Variants in COL18A1 observed in about 807,000 individuals in gnomAD.
COL18A1 encodes collagen type XVIII alpha 1 chain.
Under a neutral mutation model 168.0 loss-of-function variants are expected in COL18A1, and 133 were observed. That is an observed-to-expected ratio of 0.79 (90% CI 0.69 to 0.91). The LOEUF (loss-of-function observed/expected upper bound fraction) is 0.91, where lower values mean the gene tolerates loss of function less well. Among genes scored for constraint, COL18A1 ranks in the 40% least tolerant of loss-of-function variants. The probability of loss-of-function intolerance (pLI) is 0.00; values close to 1 mark genes in which losing one functional copy is unlikely to be tolerated. For synonymous variants in COL18A1, 949 were observed against 809.0 expected (o/e 1.17, Z -2.94); for missense variants, 2,126 against 1,925.4 (o/e 1.10, Z -1.95).
intron 37 of COL18A1, chr21:45,506,417 C>G (rs1602625244): frequency 3.1e-6 from 1 of 323,938 alleles, no homozygotes; most frequent in Admixed American, 4.3e-5. Flanking sequence ...TGAAATGCAT[C>G]CTCTCTGCTT....
chr21:45,406,266 C>G (rs1382294709), intron 2 of COL18A1, among the ~76,000 whole-genome samples: 5 of 152,170 alleles, frequency 3.3e-5, no homozygotes, highest in Non-Finnish European at 7.4e-5. Context: ...GGTGCCTTGT[C>G]GCGGGTGGAA....
chr21:45,512,290 G>A lies in COL18A1; in HGVS notation c.3912G>A (p.Gln1304=), dbSNP rs1328543313. Residue 1304 remains glutamine, a synonymous_variant, in exon 42 of 42, where the codon CAG becomes CAA. Transcript: ENST00000651438. ...CGGAGGCTCCCTCGGCCACGGGCCA[G>A]GCCTCCTCGCTGCTGGGGGGCAGGC... ...WRTEAPSATG[Q]ASSLLGGRLL... The A allele has an allele frequency of 1.2e-6, 2 of 1,612,200 alleles. No homozygotes were observed. The highest frequency in any genetic ancestry group is 1.1e-5 in the South Asian group (1 of 91,018).
At chr21:45,415,542 C>G (rs1033432055) in intron 2 of COL18A1, among the ~76,000 whole-genome samples, 10 of 152,158 alleles carry the variant, frequency 6.6e-5, no homozygotes, top group Non-Finnish European at 1.5e-4. Context: ...ATGGAGCCCC[C>G]CTTCCGGAAG....
chr21:45,460,386 A>G (rs1433362235), intron 2 of COL18A1, among the ~76,000 whole-genome samples: 1 of 152,116 alleles, frequency 6.6e-6, no homozygotes, highest in Non-Finnish European at 1.5e-5. Context: ...CTCATCTCAA[A>G]TGCACGAGTC....
chr21:45,496,698 G>A (rs2036555966), intron 30 of COL18A1, 130 bp downstream of exon 30: 1 of 727,742 alleles, frequency 1.4e-6, no homozygotes, highest in African/African-American at 1.7e-5. Context: ...CCAGTCTGGT[G>A]GGCAGTGGAT....
intron 28 of COL18A1, 86 bp from the exon 29 acceptor site, chr21:45,495,272 C>A: frequency 1.7e-6 from 2 of 1,161,964 alleles, no homozygotes; most frequent in Non-Finnish European, 2.5e-6. Flanking sequence ...CCGGGCCTGG[C>A]GTGGGGCTAA....
At chr21:45,469,818 G>A (rs2035349184) in intron 3 of COL18A1, among the ~76,000 whole-genome samples, 1 of 152,200 alleles carries the variant, frequency 6.6e-6, no homozygotes, top group South Asian at 2.1e-4. Flanking sequence ...GTGTCTGGGG[G>A]TTCTGAAAGC....
chr21:45,411,636 G>T (rs2033292078), intron 2 of COL18A1, among the ~76,000 whole-genome samples: 1 of 151,936 alleles, frequency 6.6e-6, no homozygotes. Flanking sequence ...GCTCTGGAGG[G>T]CCCGGCGCTG....
At position 45,504,984 on chromosome 21, in the gene COL18A1, T is replaced by C. The variant is rs1028823249; in HGVS notation, c.2869-150T>C. ...GAAGAAGGGGTGATGGTGTGGGGGT[T>C]TCTCAGGCTATGGCGTGGGCAGGGA... On this transcript the variant is annotated intron_variant, in intron 34 of 41. Coordinates refer to ENST00000651438, the MANE Select transcript of COL18A1 (RefSeq NM_001379500.1). 11 of 981,428 alleles carry C rather than the reference T, an allele frequency of 1.1e-5. No individual in the cohort carries two copies. The African/African-American group carries it at 1.4e-4, about 13-fold the overall frequency. The allele number at this position is 981,428 out of a possible 1,614,324, so 60.8% of individuals were successfully genotyped here. A position where few individuals can be genotyped will look rare whatever the true frequency, so the allele number is the denominator to read the frequency against.
At chr21:45,512,141 AAGCAGAGC>A (rs1252890884) in intron 41 of COL18A1, 39 bp from the exon 42 acceptor site, 1 of 1,570,474 alleles carries the variant, frequency 6.4e-7, no homozygotes, top group Non-Finnish European at 8.7e-7. Context: ...CCTCTGCCCT[AAGCAGAGC>A]AGGTCTGGGT....
chr21:45,458,318 C>G (rs972091318), intron 2 of COL18A1, among the ~76,000 whole-genome samples: 1 of 150,574 alleles, frequency 6.6e-6, no homozygotes, highest in Non-Finnish European at 1.5e-5. Flanking sequence ...ACCGTGCCCA[C>G]GGCTGTTGGC....
intron 2 of COL18A1, among the ~76,000 whole-genome samples, chr21:45,442,366 G>GC (rs891527929): frequency 6.6e-6 from 1 of 152,154 alleles, no homozygotes; most frequent in African/African-American, 2.4e-5. Context: ...TGTGGGGAGG[G>GC]CCCCTCACTC....
chr21:45,434,403 C>T (rs1408079721), intron 2 of COL18A1, among the ~76,000 whole-genome samples: 1 of 152,200 alleles, frequency 6.6e-6, no homozygotes, highest in Non-Finnish European at 1.5e-5. Flanking sequence ...CAGCCATTAA[C>T]AGGTCCAGGT....
intron 9 of COL18A1, among the ~76,000 whole-genome samples, 183 bp from the exon 10 acceptor site, chr21:45,479,719 G>A (rs544886108): frequency 1.8e-4 from 28 of 152,226 alleles, no homozygotes; most frequent in African/African-American, 6.0e-4. Flanking sequence ...CGTGGCTGGC[G>A]AAATGGGCTC....
At position 45,486,987 on chromosome 21, in the gene COL18A1, G is replaced by A. The variant is rs2036136955; in HGVS notation, c.1828G>A (p.Gly610Arg). The A allele has an allele frequency of 6.6e-7, 1 of 1,523,236 alleles. No individual in the cohort carries two copies. Among genetic ancestry groups the A allele is most frequent in the Non-Finnish European group, 8.7e-7 (1 of 1,142,994 alleles). 94.4% of individuals were successfully genotyped at this position (1,523,236 alleles called of 1,614,324 possible). The change falls in exon 16 of 42, where the codon GGA (glycine) becomes AGA (arginine). Residue 610 changes from glycine to arginine, a missense_variant. Gly to Arg is a moderately radical substitution (Grantham distance 125, BLOSUM62 -2). Coordinates refer to ENST00000651438, the MANE Select transcript of COL18A1 (RefSeq NM_001379500.1). The stretch of plus-strand genomic sequence containing the variant: ...GCCCCCAGGACCAGGACTCCCCGCT[G>A]GATTTGTGAGTACCGCCTACACCTG... ...PGPPGPGLPA[G>R]FDDMEGSGGP...
intron 2 of COL18A1, among the ~76,000 whole-genome samples, chr21:45,448,501 A>G (rs1355054579): frequency 1.3e-5 from 2 of 152,252 alleles, no homozygotes; most frequent in Non-Finnish European, 2.9e-5. Flanking sequence ...GCATGCATGT[A>G]TCCATATCCA....
In COL18A1 at chr21:45,507,387, G is replaced by A. The variant is rs542999461; in HGVS notation, c.3217-174G>A. On this transcript the variant is annotated intron_variant, in intron 37 of 41. Transcript: ENST00000651438. ...GTGGACTGGGAGGGCCGGGTGCTGG[G>A]CAGGGAGCGTACCCTGGCACAGGCT... The A allele has an allele frequency of 1.1e-5, 7 of 635,252 alleles. No individual in the cohort carries two copies. The South Asian group carries it at 1.2e-4, about 11-fold the overall frequency. 39.4% of individuals were successfully genotyped at this position (635,252 alleles called of 1,614,324 possible). A position where few individuals can be genotyped will look rare whatever the true frequency, so the allele number is the denominator to read the frequency against.
chr21:45,455,797 T>C lies in COL18A1; in HGVS notation c.107-12445T>C, dbSNP rs1267393254. On this transcript the variant is annotated intron_variant, in intron 2 of 41. Transcript: ENST00000651438. Reference sequence around the variant, plus strand: ...AGCCACCCTCAGAGCTGCTGGAAGATGGCCAGGACACCCCCACTTCTGCCG... The same window carrying C: ...AGCCACCCTCAGAGCTGCTGGAAGACGGCCAGGACACCCCCACTTCTGCCG... 3 of 1,613,430 alleles carry C rather than the reference T, an allele frequency of 1.9e-6. No homozygotes were observed. Among genetic ancestry groups the C allele is most frequent in the African/African-American group, 1.3e-5 (1 of 74,926 alleles).
intron 25 of COL18A1, 52 bp downstream of exon 25, chr21:45,493,277 T>A: frequency 1.3e-6 from 2 of 1,537,902 alleles, no homozygotes; most frequent in Non-Finnish European, 1.8e-6. Context: ...CAGGGGTGGC[T>A]CCAGCCTGCC....
Sources: allele counts gnomAD v4.1 joint callset (sites outside exome capture counted in the v4.1 genomes callset), GRCh38; gene constraint gnomAD v4.1.1; transcripts MANE v1.5; gene names NCBI Gene and HGNC (gene_info 2026-07-23, HGNC 2026-07-21).